PRR33: variants seen among roughly 807,000 people sequenced by gnomAD.
The protein encoded by PRR33 is proline-rich protein 33.
In PRR33, 1 loss-of-function variant was observed where a neutral mutation model predicts 0.5. The ratio of observed to expected loss-of-function variants is 2.18; its 90% CI spans 0.77 to 10.34. The LOEUF (loss-of-function observed/expected upper bound fraction) is 10.34, where lower values mean the gene tolerates loss of function less well. Ranked by LOEUF, PRR33 falls within the 30% of genes most tolerant of loss-of-function variation. The pLI is 0.13. For missense variants in PRR33, 552 were observed against 251.8 expected (o/e 2.19, Z -8.07); for synonymous variants, 226 against 110.0 (o/e 2.06, Z -6.60).
the PRR33 span, among the ~76,000 whole-genome samples, chr11:1,912,147 T>C: frequency 2.0e-5 from 3 of 151,906 alleles, no homozygotes; most frequent in East Asian, 1.9e-4. Context: ...CACTCTGGCC[T>C]GGGTGACAGA....
the PRR33 span, among the ~76,000 whole-genome samples, chr11:1,913,310 T>TG: frequency 0.11 from 3,866 of 35,324 alleles, 167 homozygotes; most frequent in African/African-American, 0.19. Context: ...TGTTTTTTTT[T>TG]TTTTGTTTTT....
chr11:1,900,283 C>T, the PRR33 span, among the ~76,000 whole-genome samples: 10 of 152,204 alleles, frequency 6.6e-5, no homozygotes, highest in South Asian at 4.1e-4. Flanking sequence ...TTGACTTGGA[C>T]GATGGATTTA....
exon 1 of PRR33, chr11:1,890,032 G>A (rs1439090305): frequency 1.9e-5 from 13 of 692,934 alleles, no homozygotes; most frequent in Non-Finnish European, 3.0e-5. Context: ...GATGGTGCCA[G>A]CTGGATGTGC....
exon 1 of PRR33, chr11:1,890,281 C>T (rs1196546517): frequency 8.4e-6 from 6 of 710,480 alleles, no homozygotes; most frequent in East Asian, 2.7e-5. Flanking sequence ...GGAGCCTCGG[C>T]GGGGCGTGGG....
chr11:1,916,018 A>G, the PRR33 span, among the ~76,000 whole-genome samples: 2 of 151,990 alleles, frequency 1.3e-5, no homozygotes, highest in Admixed American at 6.6e-5. Flanking sequence ...GAAAGGATGG[A>G]CAGACGGAGG....
the PRR33 span, among the ~76,000 whole-genome samples, chr11:1,911,496 T>C: frequency 7.9e-5 from 12 of 151,888 alleles, no homozygotes; most frequent in Admixed American, 5.9e-4. Flanking sequence ...CAGCTCACTG[T>C]AGCCTCTGCC....
rs1256936963 is a variant in PRR33, at chr11:1,890,219, G to A, written c.366C>T (p.His122=). 5 of 716,844 alleles carry A rather than the reference G, an allele frequency of 7.0e-6. No homozygotes were observed. The South Asian group carries it at 7.4e-5, about 11-fold the overall frequency. 44.4% of individuals were successfully genotyped at this position (716,844 alleles called of 1,614,324 possible). A position where few individuals can be genotyped will look rare whatever the true frequency, so the allele number is the denominator to read the frequency against. ...TGGACTTCTGCAGGGGTGATGCCACGTGGTGGATGATGGGGGTGTGCGGGG... is the reference window on the plus strand; with the variant it reads ...TGGACTTCTGCAGGGGTGATGCCACATGGTGGATGATGGGGGTGTGCGGGG... The change falls in exon 1 of 1, where the codon CAC becomes CAT. Residue 122 remains histidine, a synonymous_variant. Transcript: ENST00000640310.
At chr11:1,903,450 T>A in the PRR33 span, among the ~76,000 whole-genome samples, 1 of 152,122 alleles carries the variant, frequency 6.6e-6, no homozygotes, top group African/African-American at 2.4e-5. Context: ...CAGGCCTCAT[T>A]TGCCTTTTGT....
At chr11:1,909,504 G>A in the PRR33 span, among the ~76,000 whole-genome samples, 12 of 152,246 alleles carry the variant, frequency 7.9e-5, no homozygotes, top group East Asian at 1.9e-4. Flanking sequence ...CCAGCTACTC[G>A]GGAGACTGAG....
chr11:1,908,944 G>A, the PRR33 span, among the ~76,000 whole-genome samples: 2 of 152,228 alleles, frequency 1.3e-5, no homozygotes, highest in Admixed American at 6.5e-5. Context: ...TTGAGCCTTC[G>A]TGTTGTTTTG....
At chr11:1,893,215 C>T (rs1458624866), upstream of PRR33, among the ~76,000 whole-genome samples, 3 of 112,338 alleles carry the variant, frequency 2.7e-5, no homozygotes, top group Non-Finnish European at 5.7e-5. Flanking sequence ...GATGAGTGGA[C>T]GGATAAGCAG....
exon 1 of PRR33, chr11:1,889,337 G>A (rs1848887410): frequency 1.4e-6 from 1 of 711,080 alleles, no homozygotes. Flanking sequence ...GCCCTGCCAG[G>A]CGCCCTTGGG....
chr11:1,890,240 C>A, exon 1 of PRR33: 1 of 713,330 alleles, frequency 1.4e-6, no homozygotes, highest in Non-Finnish European at 2.6e-6. Context: ...TGGGGGTGTG[C>A]GGGGAGCGGG....
At chr11:1,906,987 T>A in the PRR33 span, among the ~76,000 whole-genome samples, 1 of 152,020 alleles carries the variant, frequency 6.6e-6, no homozygotes, top group African/African-American at 2.4e-5. Context: ...CTTCCCGCAC[T>A]GAGGCCTGGA....
At chr11:1,900,299 A>G in the PRR33 span, among the ~76,000 whole-genome samples, 1 of 152,204 alleles carries the variant, frequency 6.6e-6, no homozygotes, top group Non-Finnish European at 1.5e-5. Flanking sequence ...ATTTAATTCA[A>G]ATTGGGTATC....
the PRR33 span, among the ~76,000 whole-genome samples, chr11:1,908,426 AT>A: frequency 9.0e-4 from 131 of 145,592 alleles, no homozygotes; most frequent in African/African-American, 2.5e-3. Context: ...CTCCCTACCC[AT>A]TTTTTTTCTT....
exon 1 of PRR33, chr11:1,890,171 C>T: frequency 1.4e-6 from 1 of 717,088 alleles, no homozygotes; most frequent in East Asian, 2.7e-5. Context: ...GAATCCTGCG[C>T]TGGGTGAGGC....
the PRR33 span, among the ~76,000 whole-genome samples, chr11:1,911,538 T>A: frequency 6.6e-6 from 1 of 152,074 alleles, no homozygotes; most frequent in African/African-American, 2.4e-5. Flanking sequence ...CTACTTCAGC[T>A]TCCTGAGTAG....
exon 1 of PRR33, chr11:1,890,568 G>A (rs746070051): frequency 7.6e-5 from 54 of 709,706 alleles, no homozygotes; most frequent in East Asian, 3.8e-4. Flanking sequence ...TGCCATCGAC[G>A]CAGCCGATAT....
Sources: allele counts gnomAD v4.1 joint callset (sites outside exome capture counted in the v4.1 genomes callset), GRCh38; gene constraint gnomAD v4.1.1; transcripts MANE v1.5; gene names NCBI Gene and HGNC (gene_info 2026-07-23, HGNC 2026-07-21).